Variants in SNED1 observed in about 807,000 individuals in gnomAD.
SNED1 encodes sushi, nidogen and EGF like domains 1.
Under a neutral mutation model 166.7 loss-of-function variants are expected in SNED1, and 81 were observed. The ratio of observed to expected loss-of-function variants is 0.49; its 90% confidence interval spans 0.41 to 0.58. The LOEUF (loss-of-function observed/expected upper bound fraction) is 0.58, where lower values mean the gene tolerates loss of function less well. Ranked by LOEUF, SNED1 falls within the 20% of genes least tolerant of loss-of-function variation. SNED1 has a pLI of 0.00. For synonymous variants in SNED1, 762 were observed against 822.0 expected (o/e 0.93, Z 1.25); for missense variants, 1,604 against 2,000.2 (o/e 0.80, Z 3.78).
rs2286319 is a variant in SNED1 at position 241,064,782 on chromosome 2, G to T, written c.2600-62G>T. 110 of 1,229,876 alleles carry T rather than the reference G, an allele frequency of 8.9e-5. No homozygotes were observed. The South Asian group carries it at 1.4e-3, about 16-fold the overall frequency. The allele number at this position is 1,229,876 out of a possible 1,614,324, so 76.2% of individuals were successfully genotyped here. ...GACCCAGTGCCCCAGGAGCAAGGGC[G>T]GGGCTGGAGCAGGGACCCCTGGCCA... is the stretch of plus-strand genomic sequence containing the variant. On this transcript the variant is annotated intron_variant, in intron 19 of 31. Transcript: ENST00000310397. This position sits in a 1 kb window ranked among gnomAD's most constrained non-coding sequence, Gnocchi z 7.0.
At chr2:241,082,392 C>A (rs1187802772) in intron 29 of SNED1, 28 bp downstream of exon 29, 1 of 1,569,934 alleles carries the variant, frequency 6.4e-7, no homozygotes, top group Non-Finnish European at 8.8e-7. Context: ...CTCCGCCTTA[C>A]CGCATTTGTC....
At chr2:241,084,599 CT>C (rs1242170251) in intron 29 of SNED1, among the ~76,000 whole-genome samples, 1 of 152,204 alleles carries the variant, frequency 6.6e-6, no homozygotes, top group Admixed American at 6.5e-5. Context: ...AGACTTTTTC[CT>C]TCCACATATG....
intron 1 of SNED1, among the ~76,000 whole-genome samples, chr2:241,002,488 T>C (rs895629559): frequency 1.1e-4 from 16 of 152,214 alleles, no homozygotes; most frequent in African/African-American, 3.9e-4. Flanking sequence ...GTCCTGCCCC[T>C]CATCAGCATG....
chr2:241,074,396 C>T (rs2062915760), intron 27 of SNED1: 1 of 152,104 alleles, frequency 6.6e-6, no homozygotes, highest in Non-Finnish European at 1.5e-5. Context: ...TCTCTTAATT[C>T]AGGTGTGGCC....
chr2:241,078,217 T>C (rs2063131026), intron 27 of SNED1, among the ~76,000 whole-genome samples: 1 of 151,526 alleles, frequency 6.6e-6, no homozygotes, highest in Non-Finnish European at 1.5e-5. Flanking sequence ...ACCCCGTCTC[T>C]ACTAAAAATA....
chr2:241,080,010 C>A (rs962671113), intron 27 of SNED1, among the ~76,000 whole-genome samples: 1 of 152,066 alleles, frequency 6.6e-6, no homozygotes, highest in African/African-American at 2.4e-5. Flanking sequence ...TTTGGCTGGG[C>A]GCAGTGGCTC....
chr2:241,037,722 C>T (rs1379591620), intron 6 of SNED1, among the ~76,000 whole-genome samples: 1 of 152,210 alleles, frequency 6.6e-6, no homozygotes, highest in Admixed American at 6.5e-5. Context: ...CCCTCTCAGC[C>T]CAGGACCAGC....
Position 241,018,371 on chromosome 2 carries a change from G to C in SNED1, c.214-11913G>C, listed in dbSNP as rs76228397. Among the ~76,000 whole-genome samples, 2,571 of 152,278 alleles carry C rather than the reference G, an allele frequency of 0.017. 37 individuals carry two copies. The highest frequency in any genetic ancestry group is 0.039 in the South Asian group (189 of 4,814). On this transcript the variant is annotated intron_variant, in intron 1 of 31. Transcript: ENST00000310397. The surrounding 1 kb of genome is among the most constrained non-coding windows in gnomAD (Gnocchi z 5.4). The stretch of plus-strand genomic sequence containing the variant: ...ACAGGACAGAGATGGGGAACCCAGC[G>C]CAGGTCAGGTTGCCAGCTCAGCAGT...
chr2:240,999,085 G>C lies in SNED1; in HGVS notation c.213+35G>C. 1 of 1,215,052 alleles carries C rather than the reference G, an allele frequency of 8.2e-7. No homozygotes were observed. Among genetic ancestry groups the C allele is most frequent in the East Asian group, 3.5e-5 (1 of 28,666 alleles). The allele number at this position is 1,215,052 out of a possible 1,614,324, so 75.3% of individuals were successfully genotyped here. ...CCCCGGGCTCGCGGGGCGCCCGGGA[G>C]GGGAGGGAGCTGCGCCCCGGCCGCT... On this transcript the variant is annotated intron_variant, in intron 1 of 31. Transcript: ENST00000310397. This position sits in a 1 kb window ranked among gnomAD's most constrained non-coding sequence, Gnocchi z 5.8.
At chr2:241,074,883 C>G (rs1046069085) in intron 27 of SNED1, 2 of 152,206 alleles carry the variant, frequency 1.3e-5, no homozygotes, top group Non-Finnish European at 2.9e-5. Flanking sequence ...CTCAGTTAAC[C>G]ATGATCCTGA....
intron 27 of SNED1, among the ~76,000 whole-genome samples, chr2:241,080,065 A>T (rs974384649): frequency 1.3e-5 from 2 of 152,160 alleles, no homozygotes; most frequent in African/African-American, 4.8e-5. Flanking sequence ...CGGGCAGTTG[A>T]CTTGAGGTCA....
chr2:241,039,804 C>A (rs998130664), intron 6 of SNED1, among the ~76,000 whole-genome samples: 1 of 152,160 alleles, frequency 6.6e-6, no homozygotes, highest in African/African-American at 2.4e-5. Context: ...TTTCCATGCA[C>A]CCCCATTTGC....
intron 12 of SNED1, among the ~76,000 whole-genome samples, chr2:241,050,620 C>T (rs1035917750): frequency 3.9e-5 from 6 of 152,194 alleles, no homozygotes; most frequent in African/African-American, 1.2e-4. Flanking sequence ...CCCTGGACCC[C>T]GTGGCTCCCC....
rs749536167 is a variant in SNED1, at chr2:241,052,169, G to A, written c.1969+12G>A. On this transcript the variant is annotated intron_variant, in intron 14 of 31. Coordinates refer to ENST00000310397, the MANE Select transcript of SNED1 (RefSeq NM_001080437.3). ...GCACTGCGAGATAGGTAAGGTGGGTGGGAGGCCAGGCCAGGGCGGCCAGGG... is the reference window on the plus strand; with the variant it reads ...GCACTGCGAGATAGGTAAGGTGGGTAGGAGGCCAGGCCAGGGCGGCCAGGG... 28 of 1,606,430 alleles carry A rather than the reference G, an allele frequency of 1.7e-5. No homozygotes were observed. The highest frequency in any genetic ancestry group is 2.2e-5 in the Non-Finnish European group (26 of 1,173,258).
chr2:241,000,376 G>T (rs1451375446), intron 1 of SNED1, among the ~76,000 whole-genome samples: 1 of 152,226 alleles, frequency 6.6e-6, no homozygotes, highest in Admixed American at 6.5e-5. Flanking sequence ...CATGCTGTCG[G>T]TGCTACCCCC....
intron 1 of SNED1, among the ~76,000 whole-genome samples, chr2:241,009,812 C>T (rs938103584): frequency 1.2e-4 from 15 of 125,800 alleles, no homozygotes; most frequent in African/African-American, 5.1e-4. Flanking sequence ...TGTGTTTCCC[C>T]GGAGGCGTCC....
chr2:241,009,703 A>G (rs2060328072), intron 1 of SNED1, among the ~76,000 whole-genome samples: 1 of 152,120 alleles, frequency 6.6e-6, no homozygotes, highest in Admixed American at 6.5e-5. Context: ...AATGCAGCTC[A>G]GATGTCCCCT....
At chr2:241,057,149 T>G (rs192103414) in intron 16 of SNED1, among the ~76,000 whole-genome samples, 5,171 of 151,114 alleles carry the variant, frequency 0.034, 295 homozygotes, top group African/African-American at 0.12. Context: ...GAGGCCAAGG[T>G]GGGAGGATCA....
At chr2:241,084,848 A>T (rs10169241) in intron 29 of SNED1, among the ~76,000 whole-genome samples, 1 of 150,304 alleles carries the variant, frequency 6.7e-6, no homozygotes, top group Non-Finnish European at 1.5e-5. Context: ...GTCTGAAACT[A>T]TTTTTTTTTC....
Sources: allele counts gnomAD v4.1 joint callset (sites outside exome capture counted in the v4.1 genomes callset), GRCh38; gene constraint gnomAD v4.1.1; non-coding constraint Gnocchi (gnomAD v3.1); transcripts MANE v1.5; gene names NCBI Gene and HGNC (gene_info 2026-07-23, HGNC 2026-07-21).